The following STK32B variants were observed in gnomAD, a reference collection of about 807,000 sequenced individuals.
The protein encoded by STK32B is serine/threonine kinase 32B, also known as serine/threonine-protein kinase 32B.
In STK32B, 43 loss-of-function variants were observed where a neutral mutation model predicts 52.6. The ratio of observed to expected loss-of-function variants is 0.82; its 90% confidence interval spans 0.64 to 1.05. The LOEUF (loss-of-function observed/expected upper bound fraction) is 1.05. STK32B is among the 50% of genes least tolerant of loss of function. The pLI, the probability that STK32B is intolerant of heterozygous loss-of-function variation, is 0.00. For synonymous variants in STK32B, 238 were observed against 204.3 expected (o/e 1.17, Z -1.41); for missense variants, 621 against 534.6 (o/e 1.16, Z -1.59).
chr4:5,301,365 A>G (rs1215160070), intron 3 of STK32B, among the ~76,000 whole-genome samples: 1 of 152,112 alleles, frequency 6.6e-6, no homozygotes, highest in Non-Finnish European at 1.5e-5. Flanking sequence ...TCTGAATGGT[A>G]AAATTAATCA....
chr4:5,074,209 T>TGTGTGTGTGCGC (rs397878571), intron 1 of STK32B, among the ~76,000 whole-genome samples: 11 of 144,318 alleles, frequency 7.6e-5, no homozygotes, highest in Non-Finnish European at 1.4e-4. Context: ...TGTGTGTGTG[T>TGTGTGTGTGCGC]GCGCGTGCGT....
At chr4:5,223,421 C>T (rs1723662279) in intron 3 of STK32B, among the ~76,000 whole-genome samples, 1 of 152,130 alleles carries the variant, frequency 6.6e-6, no homozygotes, top group South Asian at 2.1e-4. Flanking sequence ...GCTGTAGACT[C>T]TAACCTGTAA....
At chr4:5,133,060 A>C (rs1715878319) in intron 1 of STK32B, among the ~76,000 whole-genome samples, 1 of 152,244 alleles carries the variant, frequency 6.6e-6, no homozygotes, top group Admixed American at 6.5e-5. Flanking sequence ...AGCCTCCCAC[A>C]GTGCTGGGAT....
chr4:5,308,594 C>T (rs1037748264), intron 3 of STK32B, among the ~76,000 whole-genome samples: 1 of 152,168 alleles, frequency 6.6e-6, no homozygotes, highest in Admixed American at 6.5e-5. Context: ...GTCACTCATT[C>T]ATATGTGCCA....
chr4:5,377,652 G>A (rs1192633029), intron 4 of STK32B, among the ~76,000 whole-genome samples: 1 of 152,190 alleles, frequency 6.6e-6, no homozygotes, highest in Non-Finnish European at 1.5e-5. Flanking sequence ...GGTAGGAGGT[G>A]ATTGGATCAT....
chr4:5,411,679 G>T (rs145292012), intron 5 of STK32B, among the ~76,000 whole-genome samples: 4,675 of 152,142 alleles, frequency 0.031, 113 homozygotes, highest in Non-Finnish European at 0.05. Flanking sequence ...GAATACTGAG[G>T]CATGGCTGTA....
At chr4:5,319,421 A>T (rs1731337332) in intron 3 of STK32B, among the ~76,000 whole-genome samples, 1 of 152,222 alleles carries the variant, frequency 6.6e-6, no homozygotes, top group Non-Finnish European at 1.5e-5. Context: ...GCTGTTCCAA[A>T]ACTCAAATCT....
intron 6 of STK32B, among the ~76,000 whole-genome samples, chr4:5,418,409 T>C (rs1258554032): frequency 2.0e-5 from 3 of 152,238 alleles, no homozygotes; most frequent in Non-Finnish European, 2.9e-5. Context: ...GCAAATGATA[T>C]AAGAAATACA....
chr4:5,463,028 T>G (rs1180286857), intron 9 of STK32B, among the ~76,000 whole-genome samples: 1 of 152,184 alleles, frequency 6.6e-6, no homozygotes, highest in Non-Finnish European at 1.5e-5. Context: ...GGCTGCACCC[T>G]AGTTCTTCAC....
At chr4:5,310,040 G>T (rs1730186283) in intron 3 of STK32B, among the ~76,000 whole-genome samples, 1 of 151,896 alleles carries the variant, frequency 6.6e-6, no homozygotes, top group African/African-American at 2.4e-5. Context: ...GTGGCAAGTT[G>T]CTGCAGTCCC....
chr4:5,056,982 G>A (rs983450673), intron 1 of STK32B, among the ~76,000 whole-genome samples: 5 of 152,328 alleles, frequency 3.3e-5, no homozygotes, highest in African/African-American at 1.2e-4. Flanking sequence ...ACCCTTTGGT[G>A]TATCCTACTT....
In STK32B at chr4:5,460,269, A is replaced by C. The variant is rs1716933319; in HGVS notation, c.909+41A>C. 6.3e-7 allele frequency: 1 copy of C among 1,583,740 alleles called. No individual in the cohort carries two copies. Among genetic ancestry groups the C allele is most frequent in the Non-Finnish European group, 8.6e-7 (1 of 1,165,058 alleles). On this transcript the variant is annotated intron_variant, in intron 9 of 11. Coordinates refer to ENST00000282908, the MANE Select transcript of STK32B (RefSeq NM_018401.3). The surrounding 1 kb of genome is among the most constrained non-coding windows in gnomAD (Gnocchi z 4.8). ...ACCTGATGTCATGCCACCCCTCTGCAGGGTCCCCGCCTTGGTGCAAAGCAA... is the reference window on the plus strand; with the variant it reads ...ACCTGATGTCATGCCACCCCTCTGCCGGGTCCCCGCCTTGGTGCAAAGCAA...
intron 1 of STK32B, among the ~76,000 whole-genome samples, chr4:5,130,361 G>A (rs910866064): frequency 5.9e-5 from 9 of 151,920 alleles, no homozygotes; most frequent in African/African-American, 9.7e-5. Flanking sequence ...GAGGTTTGGC[G>A]GGAGGGGTGA....
intron 3 of STK32B, among the ~76,000 whole-genome samples, chr4:5,204,759 C>T (rs1722437634): frequency 6.6e-6 from 1 of 152,076 alleles, no homozygotes; most frequent in African/African-American, 2.4e-5. Context: ...TGAGCCACTG[C>T]TCCCGGCGTG....
chr4:5,080,273 T>G (rs1712337859), intron 1 of STK32B, among the ~76,000 whole-genome samples: 1 of 152,096 alleles, frequency 6.6e-6, no homozygotes, highest in African/African-American at 2.4e-5. Context: ...TCCCCGTCAC[T>G]CTCTTGTGTA....
At chr4:5,066,383 C>G (rs967672909) in intron 1 of STK32B, among the ~76,000 whole-genome samples, 1 of 152,160 alleles carries the variant, frequency 6.6e-6, no homozygotes, top group African/African-American at 2.4e-5. Flanking sequence ...TGACTGGCCT[C>G]CCTGTCTTCT....
intron 1 of STK32B, among the ~76,000 whole-genome samples, chr4:5,089,660 A>G (rs1361447166): frequency 6.6e-6 from 1 of 151,980 alleles, no homozygotes; most frequent in Non-Finnish European, 1.5e-5. Context: ...GTAGCAATAA[A>G]CCTAGGTGTG....
At chr4:5,322,587 A>T (rs1238286262) in intron 3 of STK32B, among the ~76,000 whole-genome samples, 1 of 152,202 alleles carries the variant, frequency 6.6e-6, no homozygotes, top group Non-Finnish European at 1.5e-5. Context: ...TGCCTCAGGA[A>T]GAAGAAGTGG....
chr4:5,141,818 C>T (rs1439583479), intron 2 of STK32B, among the ~76,000 whole-genome samples: 1 of 152,094 alleles, frequency 6.6e-6, no homozygotes, highest in Non-Finnish European at 1.5e-5. Context: ...TCACCCACCC[C>T]CTCCACCTTC....
Sources: gnomAD v4.1 joint callset for allele counts (sites outside exome capture counted in the v4.1 genomes callset) on GRCh38, gnomAD v4.1.1 for gene constraint, Gnocchi (gnomAD v3.1) non-coding constraint, MANE v1.5 for transcripts, NCBI Gene and HGNC (gene_info 2026-07-23, HGNC 2026-07-21) for gene names.